SENP7: variants seen among roughly 807,000 people sequenced by gnomAD.
The protein encoded by SENP7 is SUMO specific peptidase 7, also known as sentrin-specific protease 7.
Under a neutral mutation model 141.2 loss-of-function variants are expected in SENP7, and 64 were observed. The observed-to-expected ratio is 0.45, with a 90% CI of 0.37 to 0.56. SENP7 has a LOEUF of 0.56. Ranked by LOEUF, SENP7 falls within the 20% of genes least tolerant of loss-of-function variation. SENP7 has a pLI of 0.00. For missense variants in SENP7, 1,025 were observed against 1,212.2 expected (o/e 0.85, Z 2.29); for synonymous variants, 382 against 426.4 (o/e 0.90, Z 1.28).
intron 6 of SENP7, among the ~76,000 whole-genome samples, chr3:101,380,692 G>T (rs1348867959): frequency 6.7e-6 from 1 of 149,216 alleles, no homozygotes; most frequent in East Asian, 2.0e-4. Flanking sequence ...CAAATAAAAA[G>T]CATAAAGAAA....
chr3:101,377,866 T>C (rs1025589265), intron 6 of SENP7, among the ~76,000 whole-genome samples: 5 of 152,188 alleles, frequency 3.3e-5, no homozygotes, highest in Admixed American at 1.3e-4. Flanking sequence ...CAGAAGAGAA[T>C]GAGAAGCACT....
At chr3:101,338,092 G>A (rs1280526831) in intron 16 of SENP7, among the ~76,000 whole-genome samples, 1 of 150,832 alleles carries the variant, frequency 6.6e-6, no homozygotes, top group Non-Finnish European at 1.5e-5. Flanking sequence ...GGCAGAGGTT[G>A]TAGTGAGCTG....
At chr3:101,454,584 T>G (rs2063286705) in intron 4 of SENP7, among the ~76,000 whole-genome samples, 1 of 152,168 alleles carries the variant, frequency 6.6e-6, no homozygotes, top group African/African-American at 2.4e-5. Context: ...ATAGGAATGT[T>G]TATGACAATA....
At chr3:101,329,327 C>T (rs756237191) in intron 20 of SENP7, among the ~76,000 whole-genome samples, 1 of 152,186 alleles carries the variant, frequency 6.6e-6, no homozygotes, top group Non-Finnish European at 1.5e-5. Context: ...CTAAGAAACT[C>T]AATTTGAGAA....
intron 12 of SENP7, 84 bp downstream of exon 12, chr3:101,351,534 G>A: frequency 9.3e-7 from 1 of 1,070,896 alleles, no homozygotes; most frequent in Non-Finnish European, 1.3e-6. Context: ...ATATTAAGGT[G>A]AAACATTATT....
At chr3:101,424,511 G>C (rs1348666159) in intron 4 of SENP7, among the ~76,000 whole-genome samples, 2 of 151,950 alleles carry the variant, frequency 1.3e-5, no homozygotes, top group Non-Finnish European at 2.9e-5. Context: ...GCCCCTGGAA[G>C]TACCTCACCC....
chr3:101,456,819 G>A (rs2063365796), intron 4 of SENP7, among the ~76,000 whole-genome samples: 1 of 152,146 alleles, frequency 6.6e-6, no homozygotes, highest in Admixed American at 6.5e-5. Context: ...TAGAGATGGT[G>A]TTTCGCCATG....
At chr3:101,424,866 C>T (rs998860078) in intron 4 of SENP7, among the ~76,000 whole-genome samples, 1 of 152,210 alleles carries the variant, frequency 6.6e-6, no homozygotes, top group Non-Finnish European at 1.5e-5. Flanking sequence ...TCTCATCTTC[C>T]CACGTGTTGT....
In SENP7 at chr3:101,442,531, G is replaced by A. The variant is rs72942246; in HGVS notation, c.284+16424C>T. Among the ~76,000 whole-genome samples the A allele has an allele frequency of 3.5e-3, 528 of 152,248 alleles. 2 individuals carry two copies. Among genetic ancestry groups the A allele is most frequent in the African/African-American group, 9.1e-3 (378 of 41,552 alleles). On this transcript the variant is annotated intron_variant, in intron 4 of 23. Coordinates refer to ENST00000394095, the MANE Select transcript of SENP7 (RefSeq NM_020654.5). ...CCTGCCACCCACCCCCTGGCTCTGC[G>A]GCCTGGTTCCTAACAGGCCACGGAC...
intron 6 of SENP7, among the ~76,000 whole-genome samples, chr3:101,376,155 A>C (rs778706875): frequency 1.3e-5 from 2 of 152,200 alleles, no homozygotes; most frequent in Admixed American, 6.5e-5. Context: ...AGTCAAATTC[A>C]TACAGGCAGA....
At chr3:101,358,209 A>T in intron 11 of SENP7, 1 of 694,566 alleles carries the variant, frequency 1.4e-6, no homozygotes, top group Non-Finnish European at 2.3e-6. Flanking sequence ...CACCTGGTTT[A>T]GTCAAGCCTC....
intron 3 of SENP7, among the ~76,000 whole-genome samples, chr3:101,492,617 G>T (rs907040804): frequency 9.9e-5 from 15 of 152,058 alleles, no homozygotes; most frequent in Non-Finnish European, 1.8e-4. Flanking sequence ...GAGACACTAG[G>T]GGTACGTGTG....
chr3:101,424,392 G>C (rs1413711135), intron 4 of SENP7, among the ~76,000 whole-genome samples: 1 of 149,594 alleles, frequency 6.7e-6, no homozygotes, highest in East Asian at 2.0e-4. Context: ...AGCAGCATGT[G>C]ACTGTGCATG....
At chr3:101,376,619 C>T (rs1278550331) in intron 6 of SENP7, among the ~76,000 whole-genome samples, 1 of 151,432 alleles carries the variant, frequency 6.6e-6, no homozygotes, top group Non-Finnish European at 1.5e-5. Context: ...GAATATCACA[C>T]TCTGGGGACT....
intron 5 of SENP7, among the ~76,000 whole-genome samples, chr3:101,402,859 T>C (rs2061191299): frequency 6.6e-6 from 1 of 152,228 alleles, no homozygotes; most frequent in South Asian, 2.1e-4. Context: ...AGAGAATTCG[T>C]GTTGTTTTCA....
At position 101,328,678 on chromosome 3, in the gene SENP7, C is replaced by T. The variant is rs766093268; in HGVS notation, c.2763G>A (p.Ser921=). 6.9e-6 allele frequency: 11 copies of T among 1,605,378 alleles called. No individual in the cohort carries two copies. In the African/African-American group the frequency reaches 9.4e-5, roughly 14 times the overall value. ...ACATTTTCTTTGGTACTGACATATTCGACTCGGTACTCTGAAATAACATAA... is the reference window on the plus strand; with the variant it reads ...ACATTTTCTTTGGTACTGACATATTTGACTCGGTACTCTGAAATAACATAA... The part of the protein sequence containing the change: ...LSAEDSQSTE[S]NMSVPKKMCK... Residue 921 remains serine, a synonymous_variant, in exon 21 of 24, where the codon TCG becomes TCA. Coordinates refer to ENST00000394095, the MANE Select transcript of SENP7 (RefSeq NM_020654.5).
chr3:101,338,910 A>AAACAAAAT (rs2059257895), intron 16 of SENP7, among the ~76,000 whole-genome samples: 2 of 152,198 alleles, frequency 1.3e-5, no homozygotes, highest in Non-Finnish European at 2.9e-5. Context: ...CTGTGTCCCA[A>AAACAAAAT]AACAAAATTC....
At chr3:101,340,350 AATAATG>A in intron 15 of SENP7, 139 bp from the exon 16 acceptor site, 1 of 1,046,888 alleles carries the variant, frequency 9.6e-7, no homozygotes, top group South Asian at 1.8e-5. Context: ...ACCAGGCATA[AATAATG>A]ATATTTTCCT....
At chr3:101,415,886 T>C (rs1449368521) in intron 5 of SENP7, among the ~76,000 whole-genome samples, 2 of 152,254 alleles carry the variant, frequency 1.3e-5, no homozygotes, top group Admixed American at 1.3e-4. Flanking sequence ...GGCTATGATA[T>C]ATTTTCCTAG....
Sources: allele counts gnomAD v4.1 joint callset (sites outside exome capture counted in the v4.1 genomes callset), GRCh38; gene constraint gnomAD v4.1.1; transcripts MANE v1.5; gene names NCBI Gene and HGNC (gene_info 2026-07-23, HGNC 2026-07-21).